Variants in EPG5 observed in about 807,000 individuals in gnomAD.
The protein encoded by EPG5 is ectopic P granules protein 5 homolog.
In EPG5, 159 loss-of-function variants were observed where a neutral mutation model predicts 302.7. That is an observed-to-expected ratio of 0.53 (90% CI 0.46 to 0.60). EPG5 has a LOEUF of 0.60. Ranked by LOEUF, EPG5 falls within the 20% of genes least tolerant of loss-of-function variation. The pLI is 0.00. For synonymous variants in EPG5, 1,158 were observed against 1,136.8 expected (o/e 1.02, Z -0.37); for missense variants, 2,896 against 3,092.4 (o/e 0.94, Z 1.51).
intron 31 of EPG5, 115 bp from the exon 32 acceptor site, chr18:45,880,338 A>C: frequency 9.6e-7 from 1 of 1,038,826 alleles, no homozygotes; most frequent in Non-Finnish European, 1.3e-6. Flanking sequence ...AAAATCCAAA[A>C]CAAACTCACA....
chr18:45,879,271 T>C (rs2049039781), intron 32 of EPG5, 57 bp from the exon 33 acceptor site: 3 of 1,282,290 alleles, frequency 2.3e-6, no homozygotes, highest in Non-Finnish European at 3.3e-6. Flanking sequence ...AGTAAAGTGT[T>C]ATGATACACT....
intron 21 of EPG5, among the ~76,000 whole-genome samples, chr18:45,912,696 G>A (rs1297268194): frequency 6.6e-6 from 1 of 152,164 alleles, no homozygotes; most frequent in Non-Finnish European, 1.5e-5. Flanking sequence ...CCCAAAATGG[G>A]TATGGGTCTT....
At chr18:45,885,339 A>G (rs561763547) in intron 29 of EPG5, among the ~76,000 whole-genome samples, 2 of 152,226 alleles carry the variant, frequency 1.3e-5, no homozygotes, top group East Asian at 3.9e-4. Context: ...ATGCCGTCTC[A>G]ATAAAGAAAA....
intron 36 of EPG5, among the ~76,000 whole-genome samples, chr18:45,868,414 C>T (rs1353198275): frequency 9.3e-5 from 14 of 150,932 alleles, no homozygotes; most frequent in African/African-American, 1.5e-4. Context: ...CTTGGCTCAA[C>T]GCAACCTCCG....
intron 1 of EPG5, 126 bp from the exon 2 acceptor site, chr18:45,955,464 T>C (rs1190733358): frequency 1.5e-6 from 1 of 671,068 alleles, no homozygotes; most frequent in East Asian, 2.8e-5. Flanking sequence ...AAATTCACTT[T>C]ATCAGTGTTT....
chr18:45,944,294 A>C (rs762582694), intron 7 of EPG5, among the ~76,000 whole-genome samples, 175 bp from the exon 8 acceptor site: 2 of 152,332 alleles, frequency 1.3e-5, no homozygotes, highest in Middle Eastern at 3.4e-3. Context: ...ACAGACAGTT[A>C]CACAGTAAAT....
the EPG5 span, among the ~76,000 whole-genome samples, chr18:45,826,419 T>C: frequency 6.6e-6 from 1 of 152,066 alleles, no homozygotes; most frequent in East Asian, 1.9e-4. Context: ...GAGAGGGCAT[T>C]TGCTAAAATG....
At chr18:45,919,626 C>T (rs1255059545) in intron 16 of EPG5, among the ~76,000 whole-genome samples, 3 of 151,896 alleles carry the variant, frequency 2.0e-5, no homozygotes, top group Non-Finnish European at 2.9e-5. Flanking sequence ...CATTCTCCTG[C>T]CTCAGCCTCC....
At chr18:45,840,198 G>A in the EPG5 span, 1 of 1,612,966 alleles carries the variant, frequency 6.2e-7, no homozygotes, top group Non-Finnish European at 8.5e-7. Context: ...CTCTCTTGCT[G>A]TCCCTCCCAC....
chr18:45,888,780 G>T (rs1474652816), intron 28 of EPG5, among the ~76,000 whole-genome samples: 1 of 152,074 alleles, frequency 6.6e-6, no homozygotes, highest in Non-Finnish European at 1.5e-5. Flanking sequence ...TCTCCTAGGG[G>T]AAAAAAATCA....
chr18:45,898,125 C>T (rs1007091946), intron 27 of EPG5, among the ~76,000 whole-genome samples: 27 of 152,154 alleles, frequency 1.8e-4, no homozygotes, highest in African/African-American at 6.0e-4. Flanking sequence ...TTTGGGAGTC[C>T]GAGACAGGCA....
intron 34 of EPG5, among the ~76,000 whole-genome samples, chr18:45,877,539 C>T (rs2049000084): frequency 6.6e-6 from 1 of 152,188 alleles, no homozygotes; most frequent in African/African-American, 2.4e-5. Flanking sequence ...TCTATATGTA[C>T]ACAGTCACTA....
chr18:45,814,828 C>T, the EPG5 span, among the ~76,000 whole-genome samples: 2 of 152,220 alleles, frequency 1.3e-5, no homozygotes, highest in East Asian at 3.8e-4. Flanking sequence ...TCTTGTTCAT[C>T]ATGGGTCAAT....
the EPG5 span, among the ~76,000 whole-genome samples, chr18:45,812,053 A>C: frequency 6.6e-6 from 1 of 152,252 alleles, no homozygotes. Context: ...TAAGCTGATA[A>C]GAAACTTCAG....
the EPG5 span, among the ~76,000 whole-genome samples, chr18:45,835,567 GGTCA>G: frequency 6.6e-6 from 1 of 152,154 alleles, no homozygotes; most frequent in Non-Finnish European, 1.5e-5. Flanking sequence ...ATTTCGTAGA[GGTCA>G]GTCACTCTCC....
chr18:45,840,095 CT>C, the EPG5 span: 2 of 1,175,628 alleles, frequency 1.7e-6, no homozygotes. Flanking sequence ...CTGCTGTTTG[CT>C]TCAAAAACAG....
chr18:45,869,307 C>T (rs1015467647), intron 36 of EPG5, among the ~76,000 whole-genome samples: 2 of 152,160 alleles, frequency 1.3e-5, no homozygotes, highest in Non-Finnish European at 2.9e-5. Flanking sequence ...TAATTCTCTT[C>T]CTTTTAGAAA....
intron 29 of EPG5, among the ~76,000 whole-genome samples, chr18:45,887,546 A>AT (rs1599496256): frequency 6.6e-6 from 1 of 152,216 alleles, no homozygotes; most frequent in African/African-American, 2.4e-5. Context: ...TCAAATATGA[A>AT]TAATCTCCCT....
intron 27 of EPG5, among the ~76,000 whole-genome samples, chr18:45,892,283 T>A (rs2049368989): frequency 6.6e-6 from 1 of 152,186 alleles, no homozygotes; most frequent in Non-Finnish European, 1.5e-5. Context: ...CTGTTGAAAG[T>A]TTTCTTTTTT....
Sources: gnomAD v4.1 joint callset for allele counts (sites outside exome capture counted in the v4.1 genomes callset) on GRCh38, gnomAD v4.1.1 for gene constraint, MANE v1.5 for transcripts, NCBI Gene and HGNC (gene_info 2026-07-23, HGNC 2026-07-21) for gene names.